The following GRIA2 variants were observed in gnomAD, a reference collection of about 807,000 sequenced individuals.
The protein encoded by GRIA2 is glutamate ionotropic receptor AMPA type subunit 2.
A neutral mutation model predicts 97.3 loss-of-function variants in GRIA2; 14 were observed. That is an observed-to-expected ratio of 0.14 (90% CI 0.10 to 0.23). The LOEUF is 0.23. Among genes scored for constraint, GRIA2 ranks in the 10% least tolerant of loss-of-function variants. The pLI is 1.00. For missense variants in GRIA2, 558 were observed against 1,069.8 expected, an observed-to-expected ratio of 0.52 and a Z score of 6.67; for synonymous variants, 412 against 387.8, an observed-to-expected ratio of 1.06 and a Z score of -0.73.
chr4:157,256,238 A>AT (rs1561013261), intron 2 of GRIA2, among the ~76,000 whole-genome samples: 4 of 82,834 alleles, frequency 4.8e-5, no homozygotes, highest in South Asian at 6.4e-4. Context: ...TATATAATAT[A>AT]TATATATAAT....
Position 157,303,760 on chromosome 4 carries a change from C to A in GRIA2, c.438C>A (p.Asp146Glu), listed in dbSNP as rs762500015. Residue 146 changes from aspartate to glutamate, a missense_variant, in exon 3 of 16, where the codon GAC becomes GAA. Asp to Glu is a conservative substitution (Grantham distance 45). This residue lies in a region of GRIA2 where 173 missense variants were observed against 209.1 expected (regional missense o/e 0.83). Coordinates refer to ENST00000264426, the MANE Select transcript of GRIA2 (RefSeq NM_001083619.3). ...GCTTGATTGAATACTATCAATGGGA[C>A]AAGTTTGCATACCTCTATGACAGTG... ...LLSLIEYYQW[D>E]KFAYLYDSDR... is the part of the protein sequence containing the mutation. The A allele has an allele frequency of 1.2e-5, 19 of 1,613,656 alleles. No homozygotes were observed. In the African/African-American group the frequency reaches 2.4e-4, roughly 20 times the overall value.
chr4:157,307,894 T>C (rs1310520694), intron 3 of GRIA2, among the ~76,000 whole-genome samples: 1 of 152,242 alleles, frequency 6.6e-6, no homozygotes, highest in Non-Finnish European at 1.5e-5. Context: ...TTTTCCCTCA[T>C]ATTCCTGAGA....
Position 157,364,262 on chromosome 4 carries a change from G to C in GRIA2, c.*831G>C, listed in dbSNP as rs1362391742. On this transcript the variant is annotated 3_prime_UTR_variant, in exon 16 of 16. Coordinates refer to ENST00000264426, the MANE Select transcript of GRIA2 (RefSeq NM_001083619.3). ...AATTACTTGGCAATGCTTGACATTT[G>C]AAATAAACATTTTTCTATTGTTTTA... is the stretch of plus-strand genomic sequence containing the variant. 6.6e-6 allele frequency: 1 copy of C among 152,240 alleles called. No individual in the cohort carries two copies. 9.4% of individuals were successfully genotyped at this position (152,240 alleles called of 1,614,324 possible). A position where few individuals can be genotyped will look rare whatever the true frequency, so the allele number is the denominator to read the frequency against.
chr4:157,303,983 CA>C (rs1311807302), intron 3 of GRIA2, among the ~76,000 whole-genome samples, 192 bp downstream of exon 3: 3 of 152,142 alleles, frequency 2.0e-5, no homozygotes, highest in Non-Finnish European at 4.4e-5. Context: ...ACAACAACTA[CA>C]AAAGCTGTCT....
chr4:157,241,401 T>TC (rs1310519825), intron 2 of GRIA2, among the ~76,000 whole-genome samples: 1 of 152,104 alleles, frequency 6.6e-6, no homozygotes, highest in Admixed American at 6.6e-5. Flanking sequence ...ACTTTTAAAG[T>TC]CCATCCTATT....
chr4:157,353,012 C>G (rs1037126756), intron 12 of GRIA2, among the ~76,000 whole-genome samples: 1 of 151,386 alleles, frequency 6.6e-6, no homozygotes, highest in Non-Finnish European at 1.5e-5. Flanking sequence ...GAGCCGAGAT[C>G]GTGCCACTGC....
rs766187034 is a variant in GRIA2 at position 157,341,462 on chromosome 4, G to A, written c.2043G>A (p.Arg681=). The A allele has an allele frequency of 1.3e-6, 2 of 1,588,110 alleles. No homozygotes were observed. The highest frequency in any genetic ancestry group is 1.1e-5 in the South Asian group (1 of 90,570). ...CTGGCTCCACTAAAGAGTTTTTCAG[G>A]GTAAGAGATTCTGCTTTGTAGTTTC... is the stretch of plus-strand genomic sequence containing the variant. ...LDSGSTKEFF[R]RSKIAVFDKM... is the part of the protein sequence containing the mutation. Residue 681 remains arginine, a splice_region_variant and synonymous_variant, in exon 12 of 16, where the codon AGG becomes AGA. Transcript: ENST00000264426.
intron 2 of GRIA2, among the ~76,000 whole-genome samples, chr4:157,285,644 T>C (rs2126823520): frequency 6.6e-6 from 1 of 151,372 alleles, no homozygotes; most frequent in East Asian, 1.9e-4. Context: ...AAGAGTCTAT[T>C]TCCCTCAACT....
chr4:157,338,916 A>G (rs1735424124), intron 11 of GRIA2, among the ~76,000 whole-genome samples: 1 of 152,034 alleles, frequency 6.6e-6, no homozygotes, highest in African/African-American at 2.4e-5. Context: ...CATTTTTAAA[A>G]AGCATGACAT....
chr4:157,320,639 G>A (rs2126903451), intron 5 of GRIA2, among the ~76,000 whole-genome samples: 1 of 152,120 alleles, frequency 6.6e-6, no homozygotes, highest in East Asian at 1.9e-4. Context: ...ATTCTCCTAA[G>A]TTTTGGGGTG....
In GRIA2 at chr4:157,308,730, T is replaced by A. The variant is rs116622713; in HGVS notation, c.470-3949T>A. ...TATTCTGAATTACAGGATGAATATA[T>A]TTATAGATACTTCTGTGCTAGTTTG... On this transcript the variant is annotated intron_variant, in intron 3 of 15. Coordinates refer to ENST00000264426, the MANE Select transcript of GRIA2 (RefSeq NM_001083619.3). Among the ~76,000 whole-genome samples the A allele has an allele frequency of 6.3e-3, 967 of 152,296 alleles. 10 individuals are homozygous for A. Among genetic ancestry groups the A allele is most frequent in the African/African-American group, 0.022 (928 of 41,574 alleles).
chr4:157,220,542 C>A (rs1579280418), upstream of GRIA2: 1 of 152,096 alleles, frequency 6.6e-6, no homozygotes, highest in South Asian at 2.1e-4. Flanking sequence ...GGGTGCCGGG[C>A]GCCGTGCGGG....
At chr4:157,315,081 G>C (rs1363805633) in intron 4 of GRIA2, among the ~76,000 whole-genome samples, 2 of 152,160 alleles carry the variant, frequency 1.3e-5, no homozygotes, top group Non-Finnish European at 2.9e-5. Flanking sequence ...GTGGCATTTG[G>C]CTTTGCTTGG....
At chr4:157,330,450 G>A (rs754100808) in intron 6 of GRIA2, among the ~76,000 whole-genome samples, 10 of 151,766 alleles carry the variant, frequency 6.6e-5, no homozygotes, top group South Asian at 2.1e-4. Flanking sequence ...AAAGGTGCCC[G>A]TCATTGTGAT....
chr4:157,234,903 A>G (rs1730176265), intron 2 of GRIA2, among the ~76,000 whole-genome samples: 1 of 152,062 alleles, frequency 6.6e-6, no homozygotes, highest in African/African-American at 2.4e-5. Flanking sequence ...GAAGATTTTT[A>G]CTTACTGACA....
At chr4:157,350,064 A>G (rs1259863011) in intron 12 of GRIA2, among the ~76,000 whole-genome samples, 2 of 152,158 alleles carry the variant, frequency 1.3e-5, no homozygotes, top group Non-Finnish European at 2.9e-5. Flanking sequence ...TTTATTGACA[A>G]TCTATTCTGT....
intron 8 of GRIA2, among the ~76,000 whole-genome samples, chr4:157,333,657 A>T (rs112804481): frequency 0.014 from 2,159 of 152,126 alleles, 53 homozygotes; most frequent in African/African-American, 0.048. Flanking sequence ...AGAAGACAAA[A>T]AGTAGCTGGT....
intron 6 of GRIA2, among the ~76,000 whole-genome samples, chr4:157,322,207 G>C (rs1421471317): frequency 6.7e-6 from 1 of 149,710 alleles, no homozygotes; most frequent in Non-Finnish European, 1.5e-5. Flanking sequence ...AAGAGAGAGA[G>C]AGAGAAAGAG....
At chr4:157,225,005 A>G (rs1729679072) in intron 2 of GRIA2, among the ~76,000 whole-genome samples, 2 of 152,148 alleles carry the variant, frequency 1.3e-5, no homozygotes, top group African/African-American at 4.8e-5. Flanking sequence ...TTTATACCTT[A>G]GTAATACAAC....
Sources: gnomAD v4.1 joint callset for allele counts (sites outside exome capture counted in the v4.1 genomes callset) on GRCh38, gnomAD v4.1.1 for gene constraint, gnomAD v4.1.1 regional missense constraint, MANE v1.5 for transcripts, NCBI Gene and HGNC (gene_info 2026-07-23, HGNC 2026-07-21) for gene names.